TTBK2: variants seen among roughly 807,000 people sequenced by gnomAD.
The protein encoded by TTBK2 is tau tubulin kinase 2.
Under a neutral mutation model 110.8 loss-of-function variants are expected in TTBK2, and 28 were observed. That is an observed-to-expected ratio of 0.25 (90% CI 0.19 to 0.35). The LOEUF is 0.35. TTBK2 is among the 10% of genes least tolerant of loss of function. The pLI is 1.00. For synonymous variants in TTBK2, 532 were observed against 527.3 expected (o/e 1.01, Z -0.12); for missense variants, 1,369 against 1,500.3 (o/e 0.91, Z 1.45).
chr15:42,891,467 C>A (rs1260620122), intron 1 of TTBK2, among the ~76,000 whole-genome samples: 1 of 151,976 alleles, frequency 6.6e-6, no homozygotes, highest in African/African-American at 2.4e-5. Flanking sequence ...AGCCACTGTG[C>A]CCAGCCCTGA....
chr15:42,756,736 T>C (rs1299869204), intron 13 of TTBK2, among the ~76,000 whole-genome samples: 2 of 151,606 alleles, frequency 1.3e-5, no homozygotes, highest in Admixed American at 6.6e-5. Flanking sequence ...ATTTTATACA[T>C]AGAAAATATA....
chr15:42,862,447 A>G (rs1894195422), intron 3 of TTBK2, among the ~76,000 whole-genome samples: 1 of 152,218 alleles, frequency 6.6e-6, no homozygotes, highest in Non-Finnish European at 1.5e-5. Context: ...AAATAAAAAA[A>G]TGTGATTCAC....
intron 10 of TTBK2, among the ~76,000 whole-genome samples, chr15:42,790,723 G>A (rs1472528584): frequency 4.1e-5 from 6 of 144,592 alleles, no homozygotes; most frequent in Non-Finnish European, 7.5e-5. Context: ...GTTTTGTGAC[G>A]GAGTCTCACG....
chr15:42,847,273 ATTGT>A (rs946733785), intron 3 of TTBK2, among the ~76,000 whole-genome samples: 16 of 152,190 alleles, frequency 1.1e-4, no homozygotes, highest in African/African-American at 3.1e-4. Flanking sequence ...AATATTTTTA[ATTGT>A]TTGTTTTCTT....
chr15:42,770,912 A>T (rs1309227123), intron 13 of TTBK2, among the ~76,000 whole-genome samples: 2 of 152,018 alleles, frequency 1.3e-5, no homozygotes, highest in Non-Finnish European at 2.9e-5. Context: ...TATACAAGGG[A>T]TCCAAATAAG....
chr15:42,769,651 A>G (rs1889568537), intron 13 of TTBK2, among the ~76,000 whole-genome samples: 2 of 152,176 alleles, frequency 1.3e-5, no homozygotes, highest in Admixed American at 1.3e-4. Context: ...ACACTTTTAC[A>G]CTGTTGGTGG....
At chr15:42,901,988 G>A (rs970519074) in intron 1 of TTBK2, among the ~76,000 whole-genome samples, 49 of 152,244 alleles carry the variant, frequency 3.2e-4, no homozygotes, top group African/African-American at 1.1e-3. Context: ...GGCTGAGGCC[G>A]GCAGATCACC....
At chr15:42,886,124 CA>C (rs1310568203) in intron 1 of TTBK2, among the ~76,000 whole-genome samples, 2 of 152,128 alleles carry the variant, frequency 1.3e-5, no homozygotes, top group Admixed American at 6.6e-5. Flanking sequence ...CTTCAGTCTC[CA>C]CCCCAAGCTC....
intron 1 of TTBK2, among the ~76,000 whole-genome samples, chr15:42,902,990 A>C (rs2030150812): frequency 6.6e-6 from 1 of 151,512 alleles, no homozygotes; most frequent in South Asian, 2.1e-4. Flanking sequence ...GTTTCTCAAA[A>C]AAAAAAAAAA....
intron 13 of TTBK2, among the ~76,000 whole-genome samples, chr15:42,768,860 G>A (rs1271369710): frequency 1.3e-5 from 2 of 151,964 alleles, no homozygotes; most frequent in African/African-American, 2.4e-5. Flanking sequence ...ACTTCAAACT[G>A]TACTACAAGG....
chr15:42,830,176 G>A, intron 4 of TTBK2, 98 bp from the exon 5 acceptor site: 2 of 1,456,442 alleles, frequency 1.4e-6, no homozygotes, highest in South Asian at 1.3e-5. Context: ...GATGTTTTCA[G>A]CAAAATAGCA....
intron 11 of TTBK2, among the ~76,000 whole-genome samples, chr15:42,780,035 CTGTT>C (rs1353061950): frequency 2.6e-5 from 4 of 150,956 alleles, no homozygotes; most frequent in Admixed American, 6.6e-5. Flanking sequence ...TTGTTGCTGT[CTGTT>C]TGAGACAGAG....
intron 9 of TTBK2, among the ~76,000 whole-genome samples, chr15:42,808,119 C>G (rs1891553137): frequency 1.3e-5 from 2 of 152,074 alleles, no homozygotes; most frequent in African/African-American, 4.8e-5. Context: ...TTCTCAAAAG[C>G]AAATTTCGAC....
chr15:42,871,413 T>G (rs905676553), intron 3 of TTBK2: 51 of 984,506 alleles, frequency 5.2e-5, no homozygotes, highest in Non-Finnish European at 6.2e-5. Context: ...GAGAACCTCC[T>G]GAAGGGGTGG....
intron 14 of TTBK2, among the ~76,000 whole-genome samples, chr15:42,751,720 C>T (rs1039951368): frequency 6.6e-5 from 10 of 152,122 alleles, no homozygotes; most frequent in African/African-American, 1.9e-4. Flanking sequence ...CTCCAGCCTG[C>T]GTGACAGAGC....
In TTBK2 at chr15:42,817,050, G is replaced by T. The variant is rs549903646; in HGVS notation, c.585C>A (p.Ile195=). The T allele has an allele frequency of 3.1e-5, 50 of 1,606,410 alleles. No individual in the cohort carries two copies. The African/African-American group carries it at 5.8e-4, about 18-fold the overall frequency. Reference sequence around the variant, plus strand: ...TACCTACCCTGTTCCGATGTGCGTTGATTGATGCATAACGAACTGTCCCTC... The same window carrying T: ...TACCTACCCTGTTCCGATGTGCGTTTATTGATGCATAACGAACTGTCCCTC... ...GFRGTVRYAS[I]NAHRNREMGR... The change falls in exon 7 of 15, where the codon ATC becomes ATA. Residue 195 remains isoleucine, a synonymous_variant. Transcript: ENST00000267890.
chr15:42,861,107 A>T (rs186460029), intron 3 of TTBK2, among the ~76,000 whole-genome samples: 9 of 152,318 alleles, frequency 5.9e-5, no homozygotes, highest in Non-Finnish European at 1.0e-4. Flanking sequence ...CAAATTCATA[A>T]AACAAGTTCT....
At chr15:42,790,834 G>A (rs924319196) in intron 10 of TTBK2, among the ~76,000 whole-genome samples, 16 of 151,956 alleles carry the variant, frequency 1.1e-4, no homozygotes, top group Non-Finnish European at 2.4e-4. Context: ...GGAGTAGCTG[G>A]GACTACAGGT....
At chr15:42,884,837 T>C (rs1267662715) in intron 1 of TTBK2, among the ~76,000 whole-genome samples, 4 of 152,214 alleles carry the variant, frequency 2.6e-5, no homozygotes, top group Non-Finnish European at 5.9e-5. Flanking sequence ...CTGAAGCAAC[T>C]GAAGATCCAC....
Sources: allele counts gnomAD v4.1 joint callset (sites outside exome capture counted in the v4.1 genomes callset), GRCh38; gene constraint gnomAD v4.1.1; transcripts MANE v1.5; gene names NCBI Gene and HGNC (gene_info 2026-07-23, HGNC 2026-07-21).